The following ADGRE1 variants were observed in gnomAD, a reference collection of about 807,000 sequenced individuals.
ADGRE1 encodes EGF-like module receptor 1.
A neutral mutation model predicts 102.7 loss-of-function variants in ADGRE1; 82 were observed. The observed-to-expected ratio is 0.80, with a 90% CI of 0.67 to 0.96. The LOEUF (loss-of-function observed/expected upper bound fraction) is 0.96, where lower values mean the gene tolerates loss of function less well. ADGRE1 is among the 40% of genes least tolerant of loss of function. The pLI is 0.00. For missense variants in ADGRE1, 1,032 were observed against 1,085.3 expected, an observed-to-expected ratio of 0.95 and a Z score of 0.69; for synonymous variants, 398 against 399.6, an observed-to-expected ratio of 1.00 and a Z score of 0.05.
In ADGRE1 at chr19:6,897,175, C is replaced by T; in HGVS notation, c.265C>T (p.Gln89Ter). 1 of 1,612,870 alleles carries T rather than the reference C, an allele frequency of 6.2e-7. No individual in the cohort carries two copies. The highest frequency in any genetic ancestry group is 8.5e-7 in the Non-Finnish European group (1 of 1,179,756). Residue 89 changes from glutamine to a stop codon, truncating the protein, a stop_gained, in exon 4 of 21, where the codon CAG becomes TAG. Coordinates refer to ENST00000312053, the MANE Select transcript of ADGRE1 (RefSeq NM_001974.5). LOFTEE classifies it high-confidence loss of function. ...KDIDECSQSPQPCGPNSSCKN... is the reference protein window; with the variant it reads ...KDIDECSQSP Reference sequence around the variant, plus strand: ...TATTGATGAATGTTCTCAAAGCCCCCAGCCCTGTGGTCCTAACTCATCCTG... The same window carrying T: ...TATTGATGAATGTTCTCAAAGCCCCTAGCCCTGTGGTCCTAACTCATCCTG...
chr19:6,898,554 T>C lies in ADGRE1; in HGVS notation c.514+1007T>C, dbSNP rs1299036013. 2.0e-6 allele frequency: 3 copies of C among 1,515,440 alleles called. No homozygotes were observed. In the African/African-American group the frequency reaches 4.1e-5, roughly 21 times the overall value. 93.9% of individuals were successfully genotyped at this position (1,515,440 alleles called of 1,614,324 possible). ...TTTCTGAACTGAGGCACCCAATTTC[T>C]TATCTGCTCACCCTCTTTCACTGCT... On this transcript the variant is annotated intron_variant, in intron 5 of 20. Coordinates refer to ENST00000312053, the MANE Select transcript of ADGRE1 (RefSeq NM_001974.5).
At chr19:6,920,207 G>C (rs1419928906) in intron 13 of ADGRE1, among the ~76,000 whole-genome samples, 1 of 149,654 alleles carries the variant, frequency 6.7e-6, no homozygotes, top group Non-Finnish European at 1.5e-5. Flanking sequence ...TTGGATCCTG[G>C]ATCCTGCTAT....
intron 13 of ADGRE1, among the ~76,000 whole-genome samples, chr19:6,921,323 G>A (rs1009195755): frequency 6.6e-6 from 1 of 152,138 alleles, no homozygotes; most frequent in African/African-American, 2.4e-5. Flanking sequence ...TTGGGAGGCT[G>A]AGGCAGAAGA....
intron 11 of ADGRE1, among the ~76,000 whole-genome samples, 172 bp from the exon 12 acceptor site, chr19:6,916,077 A>G (rs1974368780): frequency 6.6e-6 from 1 of 152,016 alleles, no homozygotes. Context: ...ATTTGGTGCT[A>G]TGGTCCCCCT....
intron 9 of ADGRE1, among the ~76,000 whole-genome samples, chr19:6,907,796 C>G (rs1254922729): frequency 1.3e-5 from 2 of 152,202 alleles, no homozygotes; most frequent in African/African-American, 4.8e-5. Flanking sequence ...TTGTGTCTGG[C>G]TTCTTTCACT....
intron 2 of ADGRE1, among the ~76,000 whole-genome samples, chr19:6,891,999 C>T (rs185866568): frequency 2.0e-5 from 3 of 152,106 alleles, no homozygotes; most frequent in Non-Finnish European, 4.4e-5. Flanking sequence ...GGGAGGTGGA[C>T]AGGTACCTAG....
chr19:6,916,271 C>G lies in ADGRE1; in HGVS notation c.1323C>G (p.Asn441Lys). The change falls in exon 12 of 21, where the codon AAC becomes AAG. Residue 441 changes from asparagine to lysine, a missense_variant. Transcript: ENST00000312053. ...TAGACATTGAGAGCAAAGTTATCAA[C>G]AAAGAATGCAGTGAAGAGAATGTGA... ...EYLDIESKVI[N>K]KECSEENVTL... The G allele has an allele frequency of 6.2e-7, 1 of 1,612,698 alleles. No homozygotes were observed. Among genetic ancestry groups the G allele is most frequent in the Non-Finnish European group, 8.5e-7 (1 of 1,179,198 alleles).
chr19:6,936,156 G>A (rs1310866741), intron 18 of ADGRE1, among the ~76,000 whole-genome samples: 1 of 152,126 alleles, frequency 6.6e-6, no homozygotes, highest in African/African-American at 2.4e-5. Flanking sequence ...CAAAAAGGAG[G>A]CCTGGTGTGG....
At chr19:6,897,609 A>G in intron 5 of ADGRE1, 62 bp downstream of exon 5, 1 of 1,434,224 alleles carries the variant, frequency 7.0e-7, no homozygotes. Context: ...TCTCACTGGA[A>G]GACCATATGA....
intron 13 of ADGRE1, 109 bp from the exon 14 acceptor site, chr19:6,921,604 A>G (rs968494000): frequency 2.3e-6 from 3 of 1,283,922 alleles, no homozygotes; most frequent in Admixed American, 5.5e-5. Context: ...CCCTCAGAAC[A>G]TACCCTGTGT....
In ADGRE1 at chr19:6,925,639, C is replaced by T. The variant is rs562031568; in HGVS notation, c.1987-727C>T. On this transcript the variant is annotated intron_variant, in intron 15 of 20. Coordinates refer to ENST00000312053, the MANE Select transcript of ADGRE1 (RefSeq NM_001974.5). ...GACTCTGCAATAATGTTACAGATGT[C>T]GATAATGCTACAGTTTAGAATCTCT... 1.0e-3 allele frequency among the ~76,000 whole-genome samples: 158 copies of T among 152,148 alleles called. 1 individual carries two copies. The highest frequency in any genetic ancestry group is 3.0e-3 in the Admixed American group (46 of 15,258).
intron 11 of ADGRE1, among the ~76,000 whole-genome samples, chr19:6,915,146 A>G (rs913542192): frequency 6.6e-6 from 1 of 152,008 alleles, no homozygotes; most frequent in African/African-American, 2.4e-5. Flanking sequence ...GCTGGGAACT[A>G]TAGGTGTGCA....
chr19:6,923,168 C>A (rs950167413), intron 14 of ADGRE1, among the ~76,000 whole-genome samples: 3 of 152,166 alleles, frequency 2.0e-5, no homozygotes, highest in African/African-American at 4.8e-5. Flanking sequence ...TTCGAGGACC[C>A]TGTGGCTTAG....
chr19:6,911,911 A>T (rs1378512497), intron 10 of ADGRE1, among the ~76,000 whole-genome samples: 16 of 151,850 alleles, frequency 1.1e-4, no homozygotes, highest in Admixed American at 1.1e-3. Flanking sequence ...ACACATTTAC[A>T]CACATACACA....
At chr19:6,919,903 G>C (rs1974570339) in intron 13 of ADGRE1, among the ~76,000 whole-genome samples, 156 bp downstream of exon 13, 1 of 152,154 alleles carries the variant, frequency 6.6e-6, no homozygotes, top group African/African-American at 2.4e-5. Context: ...GCTACCGCTA[G>C]AGGAATGAGG....
At chr19:6,917,894 T>C (rs1188400225) in intron 12 of ADGRE1, among the ~76,000 whole-genome samples, 2 of 152,174 alleles carry the variant, frequency 1.3e-5, no homozygotes, top group Non-Finnish European at 2.9e-5. Flanking sequence ...ATAAATCCTC[T>C]GGCTGTGATA....
intron 15 of ADGRE1, 98 bp downstream of exon 15, chr19:6,924,970 C>A: frequency 7.6e-7 from 1 of 1,318,052 alleles, no homozygotes. Context: ...GTTCCTACCT[C>A]AGGGCCTTTG....
chr19:6,934,992 C>T lies in ADGRE1; in HGVS notation c.2295C>T (p.Asn765=). The change falls in exon 18 of 21, where the codon AAC becomes AAT. Residue 765 remains asparagine (N), a synonymous_variant. Transcript: ENST00000312053. ...LGPVCTVIVI[N]SLLLTWTLWI... is the part of the protein sequence containing the mutation. The stretch of plus-strand genomic sequence containing the variant: ...CCTTCTGCTTGACTTTGCAGATCAA[C>T]TCCCTTCTCCTGACCTGGACCTTGT... 2 of 1,578,998 alleles carry T rather than the reference C, an allele frequency of 1.3e-6. No homozygotes were observed. Among genetic ancestry groups the T allele is most frequent in the South Asian group, 1.2e-5 (1 of 86,496 alleles).
chr19:6,896,545 A>G lies in ADGRE1; in HGVS notation c.238+4A>G, dbSNP rs754785504. ...GATCCAGGAGTGCGATGCAAAGGTG[A>G]GTTCATGTCCCCTCAAACCATCCAG... On this transcript the variant is annotated splice_donor_region_variant and intron_variant, in intron 3 of 20. Transcript: ENST00000312053. 3 of 1,613,708 alleles carry G rather than the reference A, an allele frequency of 1.9e-6. No homozygotes were observed. In the East Asian group the frequency reaches 6.7e-5, roughly 36 times the overall value.
Sources: allele counts gnomAD v4.1 joint callset (sites outside exome capture counted in the v4.1 genomes callset), GRCh38; gene constraint gnomAD v4.1.1; transcripts MANE v1.5; gene names NCBI Gene and HGNC (gene_info 2026-07-23, HGNC 2026-07-21).